The following ZNF599 variants were observed in gnomAD, a reference collection of about 807,000 sequenced individuals.
ZNF599 encodes zinc finger protein 599.
A neutral mutation model predicts 11.7 loss-of-function variants in ZNF599; 10 were observed. The observed-to-expected ratio is 0.86, with a 90% CI of 0.53 to 1.45. The LOEUF is 1.45. Ranked by LOEUF, ZNF599 falls within the 40% of genes most tolerant of loss-of-function variation. The probability of loss-of-function intolerance (pLI) is 0.00; values close to 1 mark genes in which losing one functional copy is unlikely to be tolerated. For synonymous variants in ZNF599, 232 were observed against 253.2 expected (o/e 0.92, Z 0.79); for missense variants, 688 against 713.6 (o/e 0.96, Z 0.41).
Position 34,758,638 on chromosome 19 carries a change from C to A in ZNF599, c.*396G>T, listed in dbSNP as rs1013901644. The A allele has an allele frequency of 6.2e-6, 1 of 162,120 alleles. No individual in the cohort carries two copies. The highest frequency in any genetic ancestry group is 2.4e-5 in the African/African-American group (1 of 41,688). The allele number at this position is 162,120 out of a possible 1,614,324, so 10.0% of individuals were successfully genotyped here. On this transcript the variant is annotated 3_prime_UTR_variant, in exon 4 of 4. Coordinates refer to ENST00000329285, the MANE Select transcript of ZNF599 (RefSeq NM_001007248.3). The stretch of plus-strand genomic sequence containing the variant: ...GAAACTGAAAACAAGTTATGCACAT[C>A]TTTTTCTTTTATCTTCTAGATTGTT...
the ZNF599 span, among the ~76,000 whole-genome samples, chr19:34,781,049 A>G: frequency 6.6e-6 from 1 of 151,976 alleles, no homozygotes; most frequent in Non-Finnish European, 1.5e-5. Flanking sequence ...CCAGCTACTC[A>G]GGAGGCTGAG....
the ZNF599 span, chr19:34,791,989 A>C: frequency 3.3e-5 from 5 of 152,238 alleles, no homozygotes; most frequent in African/African-American, 1.2e-4. Context: ...TATGGTGTTC[A>C]AGACAAGAGG....
the ZNF599 span, among the ~76,000 whole-genome samples, chr19:34,788,038 T>C: frequency 5.1e-3 from 777 of 152,318 alleles, 4 homozygotes; most frequent in Non-Finnish European, 8.8e-3. Flanking sequence ...CAATACAGCA[T>C]CACAACTATT....
chr19:34,775,009 C>G (rs1372969915), upstream of ZNF599, among the ~76,000 whole-genome samples: 2 of 152,168 alleles, frequency 1.3e-5, no homozygotes, highest in Non-Finnish European at 2.9e-5. Context: ...TCCCCTCACT[C>G]TCTCTTGCTC....
chr19:34,766,565 A>C (rs1207548221), intron 3 of ZNF599, among the ~76,000 whole-genome samples: 1 of 152,172 alleles, frequency 6.6e-6, no homozygotes, highest in African/African-American at 2.4e-5. Flanking sequence ...CTGTTGAGCC[A>C]CTCCGGGTCA....
the ZNF599 span, among the ~76,000 whole-genome samples, chr19:34,797,990 C>G: frequency 6.6e-6 from 1 of 152,144 alleles, no homozygotes; most frequent in Admixed American, 6.5e-5. Context: ...GCATTCCATT[C>G]CCAGAGCTAT....
chr19:34,794,894 G>T, the ZNF599 span, among the ~76,000 whole-genome samples: 1 of 152,104 alleles, frequency 6.6e-6, no homozygotes, highest in African/African-American at 2.4e-5. Context: ...TTAAGGGGTT[G>T]TAGAAGGGTA....
the ZNF599 span, among the ~76,000 whole-genome samples, chr19:34,794,045 GA>G: frequency 6.6e-6 from 1 of 152,230 alleles, no homozygotes; most frequent in African/African-American, 2.4e-5. Flanking sequence ...AGAAGGCAAG[GA>G]GGGGAAAGTC....
At chr19:34,783,980 C>T in the ZNF599 span, among the ~76,000 whole-genome samples, 1 of 152,214 alleles carries the variant, frequency 6.6e-6, no homozygotes, top group Admixed American at 6.5e-5. Context: ...GAGTGCTTGG[C>T]AAATGCAACC....
chr19:34,781,910 A>G, the ZNF599 span, among the ~76,000 whole-genome samples: 79 of 152,330 alleles, frequency 5.2e-4, no homozygotes, highest in Admixed American at 2.5e-3. Context: ...CATGGAGACC[A>G]GGATGTGGGG....
chr19:34,763,034 T>G (rs2069121530), intron 3 of ZNF599: 1 of 152,126 alleles, frequency 6.6e-6, no homozygotes, highest in African/African-American at 2.4e-5. Flanking sequence ...CTGAATAGCC[T>G]ATATTTATGA....
intron 3 of ZNF599, among the ~76,000 whole-genome samples, chr19:34,765,882 G>T (rs1461823711): frequency 6.6e-6 from 1 of 152,124 alleles, no homozygotes; most frequent in African/African-American, 2.4e-5. Flanking sequence ...TGATCACTTG[G>T]CCTAGAGTAC....
Position 34,759,219 on chromosome 19 carries a change from T to A in ZNF599, c.1582A>T (p.Ile528Phe). The change falls in exon 4 of 4, where the codon ATC becomes TTC. Residue 528 changes from isoleucine (I) to phenylalanine (F), a missense_variant. Transcript: ENST00000329285. ...TCAAAAGGTTTTTCTCCAGTGTGGA[T>A]CCTATTATGCCGAACAAAATTTGCA... ...QPANFVRHNR[I>F]HTGEKPFECK... is the part of the protein sequence containing the mutation. The A allele has an allele frequency of 3.1e-6, 5 of 1,614,182 alleles. No individual in the cohort carries two copies. Among genetic ancestry groups the A allele is most frequent in the Non-Finnish European group, 4.2e-6 (5 of 1,180,042 alleles).
upstream of ZNF599, among the ~76,000 whole-genome samples, chr19:34,777,575 ATT>A (rs1393342969): frequency 7.8e-6 from 1 of 128,038 alleles, no homozygotes; most frequent in African/African-American, 3.0e-5. Context: ...ATAAATATAT[ATT>A]TATATATATC....
upstream of ZNF599, among the ~76,000 whole-genome samples, chr19:34,777,368 T>TA (rs1568496952): frequency 3.7e-5 from 3 of 80,684 alleles, no homozygotes; most frequent in African/African-American, 1.8e-4. Context: ...ATTAATATAT[T>TA]ATATATTATA....
intron 1 of ZNF599, chr19:34,772,591 C>T (rs2069190248): frequency 7.4e-7 from 1 of 1,347,874 alleles, no homozygotes; most frequent in South Asian, 1.8e-5. Context: ...GAGGCGACAG[C>T]TCCAGGTTAG....
Position 34,759,767 on chromosome 19 carries a change from C to A in ZNF599, c.1034G>T (p.Gly345Val). The change falls in exon 4 of 4, where the codon GGA becomes GTA. Residue 345 changes from glycine to valine, a missense_variant. Physicochemically the swap from Gly to Val is moderately radical, Grantham distance 109. Transcript: ENST00000329285. The stretch of plus-strand genomic sequence containing the variant: ...TGTGGAGCGGTGCGTGAAGGCCTTT[C>A]CACATTCACCGCACTCATAGAGTTT... Reference protein sequence around the residue: ...GKKLYECGECGKAFTHRSTFI... With the variant: ...GKKLYECGECVKAFTHRSTFI... 1.2e-6 allele frequency: 2 copies of A among 1,614,152 alleles called. No homozygotes were observed. The highest frequency in any genetic ancestry group is 1.7e-6 in the Non-Finnish European group (2 of 1,180,014).
Position 34,760,271 on chromosome 19 carries a change from G to C in ZNF599, c.530C>G (p.Ala177Gly), listed in dbSNP as rs779777514. ...VLQERVTPQD[A>G]LHECDSQGPG... ...TCCTTGAGAGTCACACTCATGGAGA[G>C]CATCTTGTGGAGTGACTCGTTCCTG... is the stretch of plus-strand genomic sequence containing the variant. Residue 177 changes from alanine (A) to glycine (G), a missense_variant, in exon 4 of 4, where the codon GCT (alanine) becomes GGT (glycine). By Grantham distance (60) the Ala-to-Gly change is moderately conservative. Transcript: ENST00000329285. The C allele has an allele frequency of 1.6e-5, 26 of 1,614,054 alleles. No individual in the cohort carries two copies. The highest frequency in any genetic ancestry group is 2.7e-5 in the African/African-American group (2 of 74,902).
At chr19:34,764,000 T>C (rs1004557920) in intron 3 of ZNF599, 1 of 152,154 alleles carries the variant, frequency 6.6e-6, no homozygotes, top group African/African-American at 2.4e-5. Flanking sequence ...GAGAATCACT[T>C]GAACCCAGGA....
Sources: gnomAD v4.1 joint callset for allele counts (sites outside exome capture counted in the v4.1 genomes callset) on GRCh38, gnomAD v4.1.1 for gene constraint, MANE v1.5 for transcripts, NCBI Gene and HGNC (gene_info 2026-07-23, HGNC 2026-07-21) for gene names.